FBXO11: variants seen among roughly 807,000 people sequenced by gnomAD.
FBXO11 encodes F-box only protein 11.
A neutral mutation model predicts 117.0 loss-of-function variants in FBXO11; 13 were observed. The observed-to-expected ratio is 0.11, with a 90% CI of 0.07 to 0.18. The LOEUF (loss-of-function observed/expected upper bound fraction) is 0.18. FBXO11 is among the 10% of genes least tolerant of loss of function. FBXO11 has a pLI of 1.00. For synonymous variants in FBXO11, 490 were observed against 380.5 expected (o/e 1.29, Z -3.35); for missense variants, 767 against 1,164.4 (o/e 0.66, Z 4.97).
chr2:47,900,862 A>G (rs569188357), intron 1 of FBXO11, among the ~76,000 whole-genome samples: 1 of 138,674 alleles, frequency 7.2e-6, no homozygotes, highest in African/African-American at 2.7e-5. Context: ...ATATACACGT[A>G]TACACACACA....
intron 1 of FBXO11, among the ~76,000 whole-genome samples, chr2:47,846,064 G>C (rs1005776256): frequency 6.6e-6 from 1 of 152,144 alleles, no homozygotes; most frequent in Non-Finnish European, 1.5e-5. Context: ...AAATAAAAAT[G>C]AATAAAGCCA....
rs1375652836 is a variant in FBXO11 at position 47,815,051 on chromosome 2, T to C, written c.2007-1184A>G. ...TTTTCTAATTCTACTTCTCTTGCAA[T>C]TTCTACCACGTCTGGAATTAGTTCC... On this transcript the variant is annotated intron_variant, in intron 16 of 22. Coordinates refer to ENST00000403359, the MANE Select transcript of FBXO11 (RefSeq NM_001190274.2). 2.6e-5 allele frequency among the ~76,000 whole-genome samples: 4 copies of C among 152,204 alleles called. 1 individual carries two copies. The highest frequency in any genetic ancestry group is 1.3e-4 in the Admixed American group (2 of 15,284).
In FBXO11 at chr2:47,807,991, G is replaced by A. The variant is rs1181016695; in HGVS notation, c.*127C>T. 4.8e-6 allele frequency: 4 copies of A among 836,154 alleles called. No homozygotes were observed. The highest frequency in any genetic ancestry group is 1.7e-5 in the South Asian group (1 of 58,136). 51.8% of individuals were successfully genotyped at this position (836,154 alleles called of 1,614,324 possible). A position where few individuals can be genotyped will look rare whatever the true frequency, so the allele number is the denominator to read the frequency against. On this transcript the variant is annotated 3_prime_UTR_variant, in exon 23 of 23. Transcript: ENST00000403359. ...TAGCTTGAGCTTCATAGTGTCAACT[G>A]ACCTTGTGTATCCATTTTTAATACA...
At chr2:47,867,893 T>TA (rs1448315371) in intron 1 of FBXO11, among the ~76,000 whole-genome samples, 30 of 152,348 alleles carry the variant, frequency 2.0e-4, no homozygotes, top group Middle Eastern at 6.8e-3. Flanking sequence ...CATCCCATGT[T>TA]AGTTTCTCAT....
chr2:47,836,040 G>A lies in FBXO11; in HGVS notation c.588-39C>T, dbSNP rs780314105. ...GGAATTAAAATTTTCTTGATAAAAT[G>A]TCCTTTAGATTAATACAGTTTTGAA... On this transcript the variant is annotated intron_variant, in intron 4 of 22. Coordinates refer to ENST00000403359, the MANE Select transcript of FBXO11 (RefSeq NM_001190274.2). 12 of 1,475,638 alleles carry A rather than the reference G, an allele frequency of 8.1e-6. No individual in the cohort carries two copies. The South Asian group carries it at 1.5e-4, about 18-fold the overall frequency. 91.4% of individuals were successfully genotyped at this position (1,475,638 alleles called of 1,614,324 possible). A position where few individuals can be genotyped will look rare whatever the true frequency, so the allele number is the denominator to read the frequency against.
intron 1 of FBXO11, among the ~76,000 whole-genome samples, chr2:47,902,293 A>G (rs1021664812): frequency 6.6e-6 from 1 of 152,254 alleles, no homozygotes; most frequent in African/African-American, 2.4e-5. Context: ...AGAAATTAAA[A>G]AAGCTAATGA....
chr2:47,830,424 C>A (rs1672093191), intron 11 of FBXO11, among the ~76,000 whole-genome samples: 1 of 151,566 alleles, frequency 6.6e-6, no homozygotes, highest in Non-Finnish European at 1.5e-5. Context: ...CCTAGCCATA[C>A]CAAGAATGAA....
In FBXO11 at chr2:47,905,741, C is replaced by G; in HGVS notation, c.-21G>C. The G allele has an allele frequency of 7.0e-7, 1 of 1,428,520 alleles. No homozygotes were observed. Among genetic ancestry groups the G allele is most frequent in the Non-Finnish European group, 9.3e-7 (1 of 1,079,292 alleles). 88.5% of individuals were successfully genotyped at this position (1,428,520 alleles called of 1,614,324 possible). A position where few individuals can be genotyped will look rare whatever the true frequency, so the allele number is the denominator to read the frequency against. Reference sequence around the variant, plus strand: ...TTCATTTGCCGGGCTGAGGTGGCGGCGTTGGCGGAGGGACACACACACGCA... The same window carrying G: ...TTCATTTGCCGGGCTGAGGTGGCGGGGTTGGCGGAGGGACACACACACGCA... On this transcript the variant is annotated 5_prime_UTR_variant, in exon 1 of 23. Coordinates refer to ENST00000403359, the MANE Select transcript of FBXO11 (RefSeq NM_001190274.2).
chr2:47,894,814 T>A (rs1481627602), intron 1 of FBXO11, among the ~76,000 whole-genome samples: 1 of 152,162 alleles, frequency 6.6e-6, no homozygotes, highest in East Asian at 1.9e-4. Flanking sequence ...TAACCCAACA[T>A]ATTTTAATAA....
chr2:47,887,937 G>T (rs1257027201), intron 1 of FBXO11, among the ~76,000 whole-genome samples: 1 of 152,078 alleles, frequency 6.6e-6, no homozygotes, highest in Admixed American at 6.5e-5. Flanking sequence ...ATGATCTCTT[G>T]AGCCTAGCAG....
At chr2:47,816,679 C>T (rs922562287) in intron 16 of FBXO11, among the ~76,000 whole-genome samples, 2 of 152,122 alleles carry the variant, frequency 1.3e-5, no homozygotes, top group African/African-American at 4.8e-5. Context: ...TATTAGCAGG[C>T]GTGAAAACAA....
intron 1 of FBXO11, among the ~76,000 whole-genome samples, chr2:47,865,626 G>T (rs889430225): frequency 3.3e-5 from 5 of 152,132 alleles, no homozygotes; most frequent in Non-Finnish European, 7.4e-5. Context: ...GTTGTTTTGG[G>T]TTTCCTGTCA....
At chr2:47,846,060 A>G (rs1215787534) in intron 1 of FBXO11, among the ~76,000 whole-genome samples, 4 of 152,232 alleles carry the variant, frequency 2.6e-5, no homozygotes, top group African/African-American at 9.6e-5. Flanking sequence ...CATTAAATAA[A>G]AATGAATAAA....
intron 1 of FBXO11, among the ~76,000 whole-genome samples, chr2:47,881,093 A>G (rs922269819): frequency 3.3e-5 from 5 of 152,198 alleles, no homozygotes; most frequent in African/African-American, 1.2e-4. Context: ...CTCTACTAAA[A>G]ATACAAAAAT....
chr2:47,834,328 T>C (rs1672401608), intron 7 of FBXO11, among the ~76,000 whole-genome samples: 1 of 151,416 alleles, frequency 6.6e-6, no homozygotes, highest in South Asian at 2.1e-4. Flanking sequence ...CTAGCCTGAG[T>C]GACATAGCTA....
intron 11 of FBXO11, among the ~76,000 whole-genome samples, chr2:47,831,116 A>G (rs1204286576): frequency 1.3e-5 from 2 of 151,262 alleles, no homozygotes; most frequent in Non-Finnish European, 3.0e-5. Context: ...AGTTTAGTTT[A>G]AAAAAAGAGC....
rs1229432338 is a variant in FBXO11, at chr2:47,809,665, T to C, written c.2381A>G (p.Asn794Ser). The change falls in exon 20 of 23, where the codon AAT becomes AGT. Residue 794 changes from asparagine to serine, a missense_variant. Around this residue, in one of 10 missense-constraint regions of FBXO11, gnomAD observed 66 missense variants for 82.7 expected, o/e 0.80. Coordinates refer to ENST00000403359, the MANE Select transcript of FBXO11 (RefSeq NM_001190274.2). ...TNHATATLEG[N>S]QIFNNRFGGL... ...TCCAAACCGGTTGTTAAAAATCTGA[T>C]TGCCTTCTAGTGTTGCAGTTGCGTG... 1.2e-6 allele frequency: 2 copies of C among 1,613,520 alleles called. No homozygotes were observed. Among genetic ancestry groups the C allele is most frequent in the South Asian group, 1.1e-5 (1 of 91,060 alleles).
At chr2:47,811,410 T>C (rs1670603591) in intron 18 of FBXO11, 1 of 152,226 alleles carries the variant, frequency 6.6e-6, no homozygotes, top group Admixed American at 6.6e-5. Context: ...TTTTTAGGTT[T>C]CACCATGTTG....
chr2:47,891,167 C>A (rs1019627932), intron 1 of FBXO11, among the ~76,000 whole-genome samples: 1 of 152,076 alleles, frequency 6.6e-6, no homozygotes, highest in African/African-American at 2.4e-5. Flanking sequence ...ACCTTCTTAA[C>A]AAATGTTTAA....
Sources: gnomAD v4.1 joint callset for allele counts (sites outside exome capture counted in the v4.1 genomes callset) on GRCh38, gnomAD v4.1.1 for gene constraint, gnomAD v4.1.1 regional missense constraint, MANE v1.5 for transcripts, NCBI Gene and HGNC (gene_info 2026-07-23, HGNC 2026-07-21) for gene names.